MUC12: variants seen among roughly 807,000 people sequenced by gnomAD.
MUC12 encodes mucin-12.
A neutral mutation model predicts 230.8 loss-of-function variants in MUC12; 172 were observed. The ratio of observed to expected loss-of-function variants is 0.75; its 90% confidence interval spans 0.66 to 0.85. The LOEUF (loss-of-function observed/expected upper bound fraction) is 0.85. Among genes scored for constraint, MUC12 ranks in the 40% least tolerant of loss-of-function variants. The probability of loss-of-function intolerance (pLI) is 0.00; values close to 1 mark genes in which losing one functional copy is unlikely to be tolerated. For missense variants in MUC12, 3,506 were observed against 5,920.6 expected, an observed-to-expected ratio of 0.59 and a Z score of 13.38; for synonymous variants, 1,259 against 2,401.9, an observed-to-expected ratio of 0.52 and a Z score of 13.91.
At chr7:100,975,075 C>A (rs570668878) in intron 1 of MUC12, among the ~76,000 whole-genome samples, 18 of 152,418 alleles carry the variant, frequency 1.2e-4, no homozygotes, top group Admixed American at 2.6e-4. Flanking sequence ...CTGGGAGGAG[C>A]TGTCCTGGTG....
chr7:100,984,411 C>T (rs1160909796), intron 1 of MUC12, among the ~76,000 whole-genome samples: 1 of 151,970 alleles, frequency 6.6e-6, no homozygotes, highest in African/African-American at 2.4e-5. Flanking sequence ...CGCCCACCAC[C>T]ATACCCGGCT....
At position 100,991,250 on chromosome 7, in the gene MUC12, C is replaced by A; in HGVS notation, c.687C>A (p.Gly229=). ...CTACTACCTTCCACAGCAGCCCAGG[C>A]TACACTAAAACAACACGCTTACCTG... ...PESTTFHSSP[G]YTKTTRLPDN... is the part of the protein sequence containing the mutation. Residue 229 remains glycine, a synonymous_variant, in exon 2 of 12, where the codon GGC becomes GGA. Coordinates refer to ENST00000536621, the MANE Select transcript of MUC12 (RefSeq NM_001164462.2). 1.3e-6 allele frequency: 2 copies of A among 1,537,566 alleles called. No individual in the cohort carries two copies. The highest frequency in any genetic ancestry group is 8.7e-7 in the Non-Finnish European group (1 of 1,146,976).
Position 101,004,663 on chromosome 7 carries a change from C to T in MUC12, c.14100C>T (p.Ala4700=), listed in dbSNP as rs1454010854. 1 of 1,537,452 alleles carries T rather than the reference C, an allele frequency of 6.5e-7. No homozygotes were observed. The highest frequency in any genetic ancestry group is 1.7e-4 in the Middle Eastern group (1 of 5,996). The change falls in exon 2 of 12, where the codon GCC becomes GCT. Residue 4700 remains alanine, a synonymous_variant. Coordinates refer to ENST00000536621, the MANE Select transcript of MUC12 (RefSeq NM_001164462.2). ...CAAATGGAATCACACCCTTACCTGCCCATTTTACTACCTCAGGCCGCATTG... is the reference window on the plus strand; with the variant it reads ...CAAATGGAATCACACCCTTACCTGCTCATTTTACTACCTCAGGCCGCATTG... ...PDTNGITPLP[A]HFTTSGRIAE... is the part of the protein sequence containing the mutation.
At chr7:101,011,897 A>G (rs1292596239) in intron 5 of MUC12, among the ~76,000 whole-genome samples, 1 of 152,200 alleles carries the variant, frequency 6.6e-6, no homozygotes, top group Non-Finnish European at 1.5e-5. Flanking sequence ...TATTTTGTAT[A>G]TATACCCAGA....
chr7:100,977,326 C>T (rs1006171589), intron 1 of MUC12, among the ~76,000 whole-genome samples: 5 of 151,732 alleles, frequency 3.3e-5, no homozygotes, highest in Non-Finnish European at 7.4e-5. Flanking sequence ...GTGCCACATT[C>T]CCTTCAAACT....
At chr7:101,010,404 A>G (rs1793823317) in intron 5 of MUC12, among the ~76,000 whole-genome samples, 1 of 151,994 alleles carries the variant, frequency 6.6e-6, no homozygotes, top group African/African-American at 2.4e-5. Context: ...TGGCATAATT[A>G]TGGCTCACTG....
chr7:101,004,526 C>G lies in MUC12; in HGVS notation c.13963C>G (p.Pro4655Ala). The G allele has an allele frequency of 6.5e-7, 1 of 1,534,070 alleles. No individual in the cohort carries two copies. The highest frequency in any genetic ancestry group is 1.4e-5 in the African/African-American group (1 of 71,698). Residue 4655 changes from proline to alanine, a missense_variant, in exon 2 of 12, where the codon CCT becomes GCT. Coordinates refer to ENST00000536621, the MANE Select transcript of MUC12 (RefSeq NM_001164462.2). ...CACCACATCTGCCCTTGTTGAAGAA[C>G]CTACCAGCTACCACAGCAGCCCGGG... ...PSTTSALVEE[P>A]TSYHSSPGSI...
chr7:100,980,819 G>T (rs1209005375), intron 1 of MUC12, among the ~76,000 whole-genome samples: 1 of 152,080 alleles, frequency 6.6e-6, no homozygotes, highest in African/African-American at 2.4e-5. Context: ...TCTGGAGGCT[G>T]AGGTGGGAGG....
At chr7:100,981,414 C>A (rs748174725) in intron 1 of MUC12, 2 of 632,656 alleles carry the variant, frequency 3.2e-6, no homozygotes, top group African/African-American at 1.9e-5. Context: ...GCCCAGGGGA[C>A]GACGGGGATG....
chr7:100,969,587 G>GGGA lies in MUC12; in HGVS notation c.-36_-35insGGA. On this transcript the variant is annotated 5_prime_UTR_variant, in exon 1 of 12. Transcript: ENST00000536621. Reference sequence around the variant, plus strand: ...TTCATTTCTTGGTCCCTCCTGATGAGAGAAGATGGGCAGCCAGGGGCCCGT... The same window carrying GGGA: ...TTCATTTCTTGGTCCCTCCTGATGAGGGAAGAAGATGGGCAGCCAGGGGCCCGT... The GGGA allele has an allele frequency of 2.0e-6, 3 of 1,537,374 alleles. No homozygotes were observed. Among genetic ancestry groups the GGGA allele is most frequent in the Non-Finnish European group, 2.6e-6 (3 of 1,146,916 alleles).
chr7:100,991,037 C>G lies in MUC12; in HGVS notation c.474C>G (p.Ser158Arg), dbSNP rs374277977. Residue 158 changes from serine (S) to arginine (R), a missense_variant, in exon 2 of 12, where the codon AGC becomes AGG. Transcript: ENST00000536621. Reference protein sequence around the residue: ...DRTLSPARTTSSGVSEKSTTS... With the variant: ...DRTLSPARTTRSGVSEKSTTS... ...CACTCTCACCTGCCCGCACGACAAG[C>G]TCAGGCGTCAGTGAAAAATCAACCA... The G allele has an allele frequency of 1.1e-5, 17 of 1,537,768 alleles. No homozygotes were observed. The highest frequency in any genetic ancestry group is 1.5e-5 in the Non-Finnish European group (17 of 1,147,060).
chr7:100,970,513 G>A, intron 1 of MUC12, among the ~76,000 whole-genome samples: 1 of 147,152 alleles, frequency 6.8e-6, no homozygotes, highest in East Asian at 2.0e-4. Flanking sequence ...GAGAAAGAAA[G>A]AGAGAAATAA....
rs1265752796 is a variant in MUC12, at chr7:101,012,844, G to A, written c.15429G>A (p.Glu5143=). 1 of 1,537,276 alleles carries A rather than the reference G, an allele frequency of 6.5e-7. No homozygotes were observed. The highest frequency in any genetic ancestry group is 1.4e-5 in the African/African-American group (1 of 73,172). The stretch of plus-strand genomic sequence containing the variant: ...AGGCCATACTGTGCTATAGTGAAGA[G>A]GACACTTTCGTGGATTCATCGGTGA... ...CRKAILCYSE[E]DTFVDSSVTP... is the part of the protein sequence containing the mutation. The change falls in exon 7 of 12, where the codon GAG becomes GAA. Residue 5143 remains glutamate (E), a synonymous_variant. Coordinates refer to ENST00000536621, the MANE Select transcript of MUC12 (RefSeq NM_001164462.2).
rs1478184262 is a variant in MUC12 at position 101,003,546 on chromosome 7, C to T, written c.12983C>T (p.Thr4328Ile). 14 of 1,530,048 alleles carry T rather than the reference C, an allele frequency of 9.2e-6. 1 individual carries two copies. In the Middle Eastern group the frequency reaches 5.0e-4, roughly 55 times the overall value. 94.8% of individuals were successfully genotyped at this position (1,530,048 alleles called of 1,614,324 possible). The change falls in exon 2 of 12, where the codon ACC (threonine) becomes ATC (isoleucine). Residue 4328 changes from threonine to isoleucine, a missense_variant. Thr to Ile is a moderately conservative substitution (Grantham distance 89). Coordinates refer to ENST00000536621, the MANE Select transcript of MUC12 (RefSeq NM_001164462.2). ...ACAACCCGTCAGGGAGAATCTACCACCTTCCAGAGCTGGCCAAACTCGAAG... is the reference window on the plus strand; with the variant it reads ...ACAACCCGTCAGGGAGAATCTACCATCTTCCAGAGCTGGCCAAACTCGAAG... ...GSTTRQGEST[T>I]FQSWPNSKDT...
At chr7:100,972,575 T>C (rs1347773050) in intron 1 of MUC12, among the ~76,000 whole-genome samples, 2 of 134,636 alleles carry the variant, frequency 1.5e-5, no homozygotes, top group Non-Finnish European at 3.3e-5. Context: ...TGATCTCCAC[T>C]CACTGCAACC....
rs986124806 is a variant in MUC12, at chr7:101,006,558, A to G, written c.15044A>G (p.Glu5015Gly). The G allele has an allele frequency of 1.3e-6, 2 of 1,536,530 alleles. No individual in the cohort carries two copies. The highest frequency in any genetic ancestry group is 1.4e-5 in the African/African-American group (1 of 73,002). Residue 5015 changes from glutamate (E) to glycine (G), a missense_variant, in exon 3 of 12, where the codon GAA (glutamate) becomes GGA (glycine). Physicochemically the swap from Glu to Gly is moderately conservative, Grantham distance 98. Transcript: ENST00000536621. ...YVGYQCLSPLESFPVETPEKL... is the reference protein window; with the variant it reads ...YVGYQCLSPLGSFPVETPEKL... ...GGTTACCAGTGCTTGTCCCCTCTGG[A>G]ATCCTTCCCTGTAGGTAATGACCTT...
chr7:101,004,513 C>A lies in MUC12; in HGVS notation c.13950C>A (p.Ala4650=), dbSNP rs144551596. The change falls in exon 2 of 12, where the codon GCC becomes GCA. Residue 4650 remains alanine (A), a synonymous_variant. Coordinates refer to ENST00000536621, the MANE Select transcript of MUC12 (RefSeq NM_001164462.2). ...TISSPPSTTS[A]LVEEPTSYHS... ...CTTCACCTCCTAGCACCACATCTGC[C>A]CTTGTTGAAGAACCTACCAGCTACC... 6.2e-4 allele frequency: 952 copies of A among 1,535,696 alleles called. 6 individuals are homozygous for A. In the African/African-American group the frequency reaches 0.012, roughly 19 times the overall value.
chr7:101,015,635 A>G lies in MUC12; in HGVS notation c.15821A>G (p.Gln5274Arg). 6.5e-7 allele frequency: 1 copy of G among 1,537,656 alleles called. No homozygotes were observed. Among genetic ancestry groups the G allele is most frequent in the Non-Finnish European group, 8.7e-7 (1 of 1,146,986 alleles). Reference sequence around the variant, plus strand: ...TGCAGGGAACAGTATGATGTGCCTCAAGAGTGGCGAAAGGAAGGCACCCCT... The same window carrying G: ...TGCAGGGAACAGTATGATGTGCCTCGAGAGTGGCGAAAGGAAGGCACCCCT... ...KRHREQYDVP[Q>R]EWRKEGTPGI... The change falls in exon 10 of 12, where the codon CAA becomes CGA. Residue 5274 changes from glutamine to arginine, a missense_variant. Transcript: ENST00000536621.
chr7:100,974,231 AT>A (rs1411784027), intron 1 of MUC12, among the ~76,000 whole-genome samples: 3 of 137,500 alleles, frequency 2.2e-5, no homozygotes, highest in Admixed American at 2.2e-4. Context: ...CCCTTTGTTT[AT>A]TTTTGGAAAT....
Sources: gnomAD v4.1 joint callset for allele counts (sites outside exome capture counted in the v4.1 genomes callset) on GRCh38, gnomAD v4.1.1 for gene constraint, MANE v1.5 for transcripts, NCBI Gene and HGNC (gene_info 2026-07-23, HGNC 2026-07-21) for gene names.